SYT14: variants seen among roughly 807,000 people sequenced by gnomAD.
SYT14 encodes the protein synaptotagmin-14.
In SYT14, 32 loss-of-function variants were observed where a neutral mutation model predicts 74.2. The observed-to-expected ratio is 0.43, with a 90% CI of 0.33 to 0.58. SYT14 has a LOEUF of 0.58. Among genes scored for constraint, SYT14 ranks in the 20% least tolerant of loss-of-function variants. The pLI, the probability that SYT14 is intolerant of heterozygous loss-of-function variation, is 0.05. For synonymous variants in SYT14, 298 were observed against 337.7 expected (o/e 0.88, Z 1.29); for missense variants, 791 against 981.8 (o/e 0.81, Z 2.60).
intron 2 of SYT14, among the ~76,000 whole-genome samples, chr1:209,970,418 A>G (rs1288102512): frequency 2.0e-5 from 3 of 151,804 alleles, no homozygotes; most frequent in Non-Finnish European, 4.4e-5. Context: ...CTCTTGGTCT[A>G]TGTGTCTGTT....
intron 7 of SYT14, among the ~76,000 whole-genome samples, chr1:210,105,368 T>C (rs1361651282): frequency 6.6e-6 from 1 of 152,234 alleles, no homozygotes. Flanking sequence ...TGCTTTTATC[T>C]TCTGCTCGTA....
chr1:210,120,339 C>T (rs904000553), intron 7 of SYT14, among the ~76,000 whole-genome samples: 4 of 150,538 alleles, frequency 2.7e-5, no homozygotes, highest in Admixed American at 6.6e-5. Flanking sequence ...GTCTTATTAC[C>T]GTAAATTTTT....
chr1:210,117,705 T>C (rs1285262725), intron 7 of SYT14, among the ~76,000 whole-genome samples: 1 of 152,154 alleles, frequency 6.6e-6, no homozygotes, highest in Non-Finnish European at 1.5e-5. Flanking sequence ...ATAAATCTTT[T>C]AGTGAAAAGA....
chr1:210,111,168 G>A (rs4844945), intron 7 of SYT14, among the ~76,000 whole-genome samples: 4,968 of 152,250 alleles, frequency 0.033, 570 homozygotes, highest in Admixed American at 0.23. Context: ...GGGTGCAGGC[G>A]GGCTGAGTCC....
chr1:209,953,259 G>A (rs1379877988), intron 2 of SYT14: 11 of 1,286,966 alleles, frequency 8.5e-6, no homozygotes, highest in Non-Finnish European at 1.1e-5. Flanking sequence ...CCCCAGGAAA[G>A]GTAATTCAGT....
At chr1:209,989,963 A>G (rs1434484593) in intron 2 of SYT14, among the ~76,000 whole-genome samples, 1 of 152,104 alleles carries the variant, frequency 6.6e-6, no homozygotes, top group East Asian at 1.9e-4. Context: ...ATCACGTTTA[A>G]AGCCATGTAC....
At chr1:209,947,980 A>G (rs1241655983) in intron 1 of SYT14, among the ~76,000 whole-genome samples, 1 of 152,200 alleles carries the variant, frequency 6.6e-6, no homozygotes, top group Non-Finnish European at 1.5e-5. Flanking sequence ...TTTTTTTAGC[A>G]ATAAATTATT....
At chr1:210,154,501 A>G (rs1006668571) in intron 7 of SYT14, among the ~76,000 whole-genome samples, 1 of 152,194 alleles carries the variant, frequency 6.6e-6, no homozygotes, top group Non-Finnish European at 1.5e-5. Context: ...TACTAGAAGA[A>G]ACAACTTTCT....
intron 1 of SYT14, among the ~76,000 whole-genome samples, chr1:209,939,488 A>G (rs1024379143): frequency 6.6e-5 from 10 of 152,330 alleles, no homozygotes; most frequent in African/African-American, 1.7e-4. Context: ...GGGAGTACCT[A>G]TTGTATGCAA....
intron 1 of SYT14, 98 bp from the exon 2 acceptor site, chr1:209,952,611 G>T: frequency 9.8e-7 from 1 of 1,018,364 alleles, no homozygotes; most frequent in Non-Finnish European, 1.5e-6. Flanking sequence ...AACTTTTTTT[G>T]AGGTCACTTT....
intron 2 of SYT14, among the ~76,000 whole-genome samples, chr1:209,976,773 C>G (rs1487980103): frequency 6.6e-6 from 1 of 152,076 alleles, no homozygotes; most frequent in African/African-American, 2.4e-5. Context: ...AACTTTCTGT[C>G]TTCGTTGATC....
chr1:209,964,422 A>G (rs543399485), intron 2 of SYT14, among the ~76,000 whole-genome samples: 2 of 152,182 alleles, frequency 1.3e-5, no homozygotes, highest in South Asian at 2.1e-4. Flanking sequence ...TTTTCTTTCT[A>G]TTCATCTATA....
chr1:210,026,397 G>A (rs1465316759), intron 5 of SYT14, among the ~76,000 whole-genome samples: 1 of 152,002 alleles, frequency 6.6e-6, no homozygotes, highest in Non-Finnish European at 1.5e-5. Flanking sequence ...GATTCTATAT[G>A]AAGATCAAGT....
intron 5 of SYT14, among the ~76,000 whole-genome samples, chr1:210,064,567 C>A (rs1270090790): frequency 6.6e-6 from 1 of 151,972 alleles, no homozygotes; most frequent in African/African-American, 2.4e-5. Flanking sequence ...CATAATGTCT[C>A]CAAGGTTCAT....
chr1:210,048,377 C>T (rs983605676), intron 5 of SYT14, among the ~76,000 whole-genome samples: 5 of 152,180 alleles, frequency 3.3e-5, no homozygotes, highest in African/African-American at 1.2e-4. Flanking sequence ...ATTGGACTTA[C>T]AGTTCCACAT....
Position 210,059,451 on chromosome 1 carries a change from TAGAG to T in SYT14, c.1313-34837_1313-34834del, listed in dbSNP as rs1553272603. On this transcript the variant is annotated intron_variant, in intron 5 of 9. Coordinates refer to ENST00000637265, the Ensembl canonical transcript of SYT14. ...GAATATATATATATATATATATATA[TAGAG>T]AGAGAGAGAGAGAGAGAGAGAGAGA... is the stretch of plus-strand genomic sequence containing the variant. Among the ~76,000 whole-genome samples the T allele has an allele frequency of 3.7e-3, 260 of 69,890 alleles. 1 individual carries two copies. The highest frequency in any genetic ancestry group is 0.023 in the Middle Eastern group (2 of 86). The allele number at this position is 69,890 out of a possible 152,430, so 45.9% of individuals were successfully genotyped here. A position where few individuals can be genotyped will look rare whatever the true frequency, so the allele number is the denominator to read the frequency against.
At chr1:210,044,566 T>C (rs996315349) in intron 5 of SYT14, among the ~76,000 whole-genome samples, 9 of 152,196 alleles carry the variant, frequency 5.9e-5, no homozygotes, top group African/African-American at 2.2e-4. Context: ...ATAGATATGT[T>C]CTTTCTGGAT....
chr1:210,142,405 G>A lies in SYT14; in HGVS notation c.2035-13316G>A, dbSNP rs564696434. Among the ~76,000 whole-genome samples, 6 of 152,266 alleles carry A rather than the reference G, an allele frequency of 3.9e-5. No homozygotes were observed. The South Asian group carries it at 1.2e-3, about 32-fold the overall frequency. On this transcript the variant is annotated intron_variant, in intron 7 of 9. Transcript: ENST00000637265. ...TTCTGAAAAAGTTTTTTTTGACAAT[G>A]TTTGCCAGTGTTCATGTTGCTTTTA...
intron 2 of SYT14, among the ~76,000 whole-genome samples, chr1:209,990,785 T>C (rs2079670331): frequency 6.6e-6 from 1 of 151,498 alleles, no homozygotes; most frequent in South Asian, 2.1e-4. Context: ...AAATACAGAG[T>C]AATCATTGTT....
Sources: allele counts gnomAD v4.1 joint callset (sites outside exome capture counted in the v4.1 genomes callset), GRCh38; gene constraint gnomAD v4.1.1; transcripts MANE v1.5; gene names NCBI Gene and HGNC (gene_info 2026-07-23, HGNC 2026-07-21).